TENM4: variants seen among roughly 807,000 people sequenced by gnomAD.
TENM4 encodes the protein teneurin transmembrane protein 4, also known as teneurin-4.
A neutral mutation model predicts 243.3 loss-of-function variants in TENM4; 82 were observed. The observed-to-expected ratio is 0.34, with a 90% CI of 0.28 to 0.40. The LOEUF is 0.40. Ranked by LOEUF, TENM4 falls within the 10% of genes least tolerant of loss-of-function variation. TENM4 has a pLI of 1.00. For synonymous variants in TENM4, 1,412 were observed against 1,456.3 expected (o/e 0.97, Z 0.69); for missense variants, 3,138 against 3,673.3 (o/e 0.85, Z 3.77).
chr11:79,440,947 C>T lies in TENM4; in HGVS notation c.-759G>A, dbSNP rs1182392561. The T allele has an allele frequency of 6.5e-6, 1 of 153,074 alleles. No individual in the cohort carries two copies. The highest frequency in any genetic ancestry group is 2.4e-5 in the African/African-American group (1 of 41,382). 9.5% of individuals were successfully genotyped at this position (153,074 alleles called of 1,614,324 possible). ...CGCCTGCCTGCCTCCGTCCCCCACC[C>T]TCGCTCTCTTACACACAGAAAGAGA... On this transcript the variant is annotated 5_prime_UTR_variant, in exon 1 of 34. Coordinates refer to ENST00000278550, the MANE Select transcript of TENM4 (RefSeq NM_001098816.3). The surrounding 1 kb of genome is among the most constrained non-coding windows in gnomAD (Gnocchi z 4.7).
chr11:79,183,466 C>T (rs1015032905), intron 3 of TENM4, among the ~76,000 whole-genome samples: 4 of 152,142 alleles, frequency 2.6e-5, no homozygotes, highest in Admixed American at 2.6e-4. Flanking sequence ...ACTACAATGG[C>T]AGATACATGA....
chr11:78,996,556 G>A (rs1858176676), intron 6 of TENM4, among the ~76,000 whole-genome samples: 1 of 152,166 alleles, frequency 6.6e-6, no homozygotes, highest in African/African-American at 2.4e-5. Flanking sequence ...TTAAGTTTTA[G>A]GATAGTTTGT....
chr11:79,377,611 T>A (rs1476703051), intron 1 of TENM4, among the ~76,000 whole-genome samples: 1 of 152,354 alleles, frequency 6.6e-6, no homozygotes, highest in Non-Finnish European at 1.5e-5. Context: ...AGTCGCTCCA[T>A]GTAAATTACT....
intron 2 of TENM4, among the ~76,000 whole-genome samples, chr11:79,290,730 C>A (rs138854336): frequency 2.6e-5 from 4 of 152,174 alleles, no homozygotes; most frequent in African/African-American, 9.6e-5. Context: ...CTCTTTGGAC[C>A]ATTTTATTGA....
At chr11:79,395,813 C>G (rs572440692) in intron 1 of TENM4, among the ~76,000 whole-genome samples, 40 of 152,230 alleles carry the variant, frequency 2.6e-4, no homozygotes, top group South Asian at 1.7e-3. Flanking sequence ...CCTTTAATAT[C>G]CGTGAATATT....
intron 7 of TENM4, among the ~76,000 whole-genome samples, chr11:78,893,117 G>A (rs913470671): frequency 1.3e-5 from 2 of 152,236 alleles, no homozygotes; most frequent in African/African-American, 2.4e-5. Flanking sequence ...CTGGGCCAGC[G>A]GCCTGGGTGG....
At chr11:79,118,575 C>T (rs1861671115) in intron 4 of TENM4, among the ~76,000 whole-genome samples, 1 of 152,130 alleles carries the variant, frequency 6.6e-6, no homozygotes, top group African/African-American at 2.4e-5. Context: ...CCCTCCAGAC[C>T]CTGGCAACCA....
intron 1 of TENM4, among the ~76,000 whole-genome samples, chr11:79,368,890 C>T (rs746853185): frequency 2.6e-5 from 4 of 152,164 alleles, no homozygotes; most frequent in African/African-American, 7.2e-5. Context: ...GGAGTCAATA[C>T]GTTCAGGAAT....
chr11:79,179,546 A>G (rs1163395973), intron 3 of TENM4, among the ~76,000 whole-genome samples: 1 of 145,584 alleles, frequency 6.9e-6, no homozygotes, highest in East Asian at 1.9e-4. Context: ...AATTTGGGAT[A>G]AAATATTTGA....
chr11:79,203,095 T>C (rs1197366602), intron 3 of TENM4, among the ~76,000 whole-genome samples: 1 of 151,700 alleles, frequency 6.6e-6, no homozygotes, highest in East Asian at 1.9e-4. Context: ...AAGCCCATGA[T>C]TGAGCTATAA....
At chr11:79,309,024 T>C (rs768483375) in intron 1 of TENM4, among the ~76,000 whole-genome samples, 3 of 151,810 alleles carry the variant, frequency 2.0e-5, no homozygotes, top group Admixed American at 6.6e-5. Flanking sequence ...AGAATGCCTA[T>C]AGAGATAAGA....
At chr11:79,027,464 G>A (rs950908613) in intron 6 of TENM4, among the ~76,000 whole-genome samples, 4 of 152,228 alleles carry the variant, frequency 2.6e-5, no homozygotes, top group African/African-American at 4.8e-5. Flanking sequence ...GGCTGAGAGC[G>A]ATGTAGGTTA....
chr11:79,243,130 G>C (rs1855452868), intron 2 of TENM4, among the ~76,000 whole-genome samples: 1 of 152,030 alleles, frequency 6.6e-6, no homozygotes, highest in Non-Finnish European at 1.5e-5. Context: ...CTTTCATCGG[G>C]GCACTGAGGG....
chr11:79,397,247 A>G (rs923659459), intron 1 of TENM4, among the ~76,000 whole-genome samples: 5 of 152,226 alleles, frequency 3.3e-5, no homozygotes, highest in African/African-American at 1.2e-4. Context: ...TGATTTTTAT[A>G]CATCATTTTA....
chr11:79,270,015 G>A (rs556216938), intron 2 of TENM4, among the ~76,000 whole-genome samples: 4 of 151,888 alleles, frequency 2.6e-5, no homozygotes, highest in South Asian at 2.1e-4. Context: ...CCAGGGCCTC[G>A]CAGAGAAGCA....
chr11:79,124,314 G>T (rs1040417481), intron 4 of TENM4, among the ~76,000 whole-genome samples: 1 of 152,034 alleles, frequency 6.6e-6, no homozygotes, highest in Non-Finnish European at 1.5e-5. Context: ...GAGTCAGTGG[G>T]CTGGGAAAGG....
intron 19 of TENM4, among the ~76,000 whole-genome samples, chr11:78,739,067 C>A (rs187298603): frequency 6.6e-6 from 1 of 151,920 alleles, no homozygotes; most frequent in East Asian, 1.9e-4. Flanking sequence ...TGGAAGTGAA[C>A]ATACAAAAAA....
At chr11:79,110,338 C>T (rs1861476481) in intron 4 of TENM4, among the ~76,000 whole-genome samples, 2 of 152,206 alleles carry the variant, frequency 1.3e-5, no homozygotes, top group Non-Finnish European at 2.9e-5. Context: ...CAGCCCCCTC[C>T]CTAGCCACCC....
At chr11:79,270,118 G>A (rs1027551458) in intron 2 of TENM4, among the ~76,000 whole-genome samples, 4 of 151,988 alleles carry the variant, frequency 2.6e-5, no homozygotes, top group Middle Eastern at 3.4e-3. Flanking sequence ...CCGTCCTTTC[G>A]CCCAGCATCT....
Sources: allele counts gnomAD v4.1 joint callset (sites outside exome capture counted in the v4.1 genomes callset), GRCh38; gene constraint gnomAD v4.1.1; non-coding constraint Gnocchi (gnomAD v3.1); transcripts MANE v1.5; gene names NCBI Gene and HGNC (gene_info 2026-07-23, HGNC 2026-07-21).